Variants in KCNIP4 observed in about 807,000 individuals in gnomAD.
The protein encoded by KCNIP4 is Kv channel-interacting protein 4.
KCNIP4 carries 12 observed loss-of-function variants against 34.0 expected under a neutral mutation model. That is an observed-to-expected ratio of 0.35 (90% CI 0.23 to 0.57). The LOEUF (loss-of-function observed/expected upper bound fraction) is 0.57, where lower values mean the gene tolerates loss of function less well. Among genes scored for constraint, KCNIP4 ranks in the 20% least tolerant of loss-of-function variants. The pLI is 0.83. For synonymous variants in KCNIP4, 124 were observed against 102.2 expected (o/e 1.21, Z -1.29); for missense variants, 238 against 311.7 (o/e 0.76, Z 1.78).
intron 1 of KCNIP4, among the ~76,000 whole-genome samples, chr4:21,353,028 A>C (rs1362789196): frequency 6.6e-6 from 1 of 152,158 alleles, no homozygotes; most frequent in Non-Finnish European, 1.5e-5. Flanking sequence ...ACCTCCAGCA[A>C]ACTCCAACAG....
chr4:21,359,881 A>T (rs1419306141), intron 1 of KCNIP4, among the ~76,000 whole-genome samples: 2 of 152,280 alleles, frequency 1.3e-5, no homozygotes, highest in East Asian at 3.9e-4. Context: ...AATTCATATA[A>T]GATGAAGAAA....
intron 1 of KCNIP4, among the ~76,000 whole-genome samples, chr4:21,551,282 T>A (rs1277803773): frequency 6.6e-6 from 1 of 152,126 alleles, no homozygotes; most frequent in Non-Finnish European, 1.5e-5. Context: ...AGGAATACAG[T>A]GATACAAATA....
intron 1 of KCNIP4, chr4:21,849,735 G>C (rs1423781220): frequency 7.2e-5 from 11 of 151,832 alleles, no homozygotes; most frequent in African/African-American, 2.7e-4. Context: ...AATTCTAAGG[G>C]AGTAGATGCT....
chr4:20,832,452 C>T (rs1718538119), intron 3 of KCNIP4, among the ~76,000 whole-genome samples: 1 of 152,094 alleles, frequency 6.6e-6, no homozygotes, highest in Non-Finnish European at 1.5e-5. Flanking sequence ...ACTGTGGTGC[C>T]AAGTTACAGC....
chr4:21,616,509 G>T (rs1265655225), intron 1 of KCNIP4, among the ~76,000 whole-genome samples: 1 of 152,182 alleles, frequency 6.6e-6, no homozygotes, highest in East Asian at 1.9e-4. Flanking sequence ...TCCTGGGGCT[G>T]TCGTAACAAA....
intron 1 of KCNIP4, among the ~76,000 whole-genome samples, chr4:21,006,916 G>A (rs1354055008): frequency 6.6e-6 from 1 of 152,028 alleles, no homozygotes; most frequent in East Asian, 1.9e-4. Context: ...GCTTGGCAAG[G>A]TCTCACAATA....
intron 1 of KCNIP4, among the ~76,000 whole-genome samples, chr4:21,279,362 TA>T (rs1762635613): frequency 6.6e-6 from 1 of 152,100 alleles, no homozygotes; most frequent in Non-Finnish European, 1.5e-5. Context: ...TTTTCTTTTT[TA>T]AAAGTTCATG....
At chr4:21,287,829 G>T (rs1425838400) in intron 1 of KCNIP4, among the ~76,000 whole-genome samples, 1 of 151,658 alleles carries the variant, frequency 6.6e-6, no homozygotes, top group Non-Finnish European at 1.5e-5. Context: ...TTGCACTTTG[G>T]TTATTGAGAA....
At chr4:21,766,056 C>T (rs935766703) in intron 1 of KCNIP4, among the ~76,000 whole-genome samples, 1 of 152,064 alleles carries the variant, frequency 6.6e-6, no homozygotes, top group Non-Finnish European at 1.5e-5. Flanking sequence ...TTTTAAAACA[C>T]CTGATTAACG....
intron 1 of KCNIP4, among the ~76,000 whole-genome samples, chr4:21,473,696 A>G (rs1157293805): frequency 2.6e-5 from 4 of 151,748 alleles, no homozygotes; most frequent in African/African-American, 7.3e-5. Context: ...GTGGGGAGCA[A>G]CACAGAAGAC....
chr4:21,691,687 A>T lies in KCNIP4; in HGVS notation c.61+256884T>A, dbSNP rs1029181745. Among the ~76,000 whole-genome samples, 3 of 127,372 alleles carry T rather than the reference A, an allele frequency of 2.4e-5. No homozygotes were observed. In the East Asian group the frequency reaches 6.4e-4, roughly 27 times the overall value. 83.6% of individuals were successfully genotyped at this position (127,372 alleles called of 152,430 possible). A position where few individuals can be genotyped will look rare whatever the true frequency, so the allele number is the denominator to read the frequency against. On this transcript the variant is annotated intron_variant, in intron 1 of 8. Transcript: ENST00000382152. ...TACCTTTAGCAAGAGGGGCAAACGC[A>T]GCTCTTTTTTTTTTTTTTTTTTTTT...
At chr4:20,961,429 C>T (rs1189295354) in intron 1 of KCNIP4, among the ~76,000 whole-genome samples, 1 of 152,044 alleles carries the variant, frequency 6.6e-6, no homozygotes, top group Admixed American at 6.6e-5. Context: ...GAAATGAATA[C>T]ACTGATCTCT....
chr4:21,692,827 A>ATTTTTTTTTTTTTTTTTTTTTTTTT (rs35231092), intron 1 of KCNIP4, among the ~76,000 whole-genome samples: 2 of 87,250 alleles, frequency 2.3e-5, no homozygotes, highest in African/African-American at 4.5e-5. Context: ...AAATCCTGTC[A>ATTTTTTTTTTTTTTTTTTTTTTTTT]TTTTTTTTTT....
chr4:20,743,755 C>A (rs1401345977), intron 5 of KCNIP4, among the ~76,000 whole-genome samples: 2 of 152,082 alleles, frequency 1.3e-5, no homozygotes, highest in African/African-American at 2.4e-5. Flanking sequence ...GCAACAAAAG[C>A]CAAAATTGAC....
chr4:21,007,102 A>G (rs978457147), intron 1 of KCNIP4, among the ~76,000 whole-genome samples: 1 of 152,214 alleles, frequency 6.6e-6, no homozygotes, highest in East Asian at 1.9e-4. Flanking sequence ...ACACAAATTT[A>G]AAACTTTAAA....
chr4:21,538,652 T>C (rs571437885), intron 1 of KCNIP4, among the ~76,000 whole-genome samples: 2 of 152,126 alleles, frequency 1.3e-5, no homozygotes, highest in East Asian at 3.9e-4. Context: ...TATTGTGATA[T>C]AATAAAATGG....
Position 21,330,649 on chromosome 4 carries a change from C to T in KCNIP4, c.62-447940G>A, listed in dbSNP as rs556045582. On this transcript the variant is annotated intron_variant, in intron 1 of 8. Transcript: ENST00000382152. Reference sequence around the variant, plus strand: ...TTAATTGAAACCCTATAGAGCATTCCGCATGAATGGTTTTCAACAAAAAAG... The same window carrying T: ...TTAATTGAAACCCTATAGAGCATTCTGCATGAATGGTTTTCAACAAAAAAG... Among the ~76,000 whole-genome samples, 100 of 152,018 alleles carry T rather than the reference C, an allele frequency of 6.6e-4. 1 individual carries two copies. Among genetic ancestry groups the T allele is most frequent in the African/African-American group, 2.0e-3 (81 of 41,450 alleles).
intron 1 of KCNIP4, among the ~76,000 whole-genome samples, chr4:21,169,612 C>T (rs7658047): frequency 0.65 from 98,725 of 151,446 alleles, 32,684 homozygotes; most frequent in African/African-American, 0.76. Context: ...TGGAAATTCT[C>T]TATTTGGTTT....
intron 1 of KCNIP4, among the ~76,000 whole-genome samples, chr4:21,686,575 C>A (rs1750818010): frequency 1.3e-5 from 2 of 151,894 alleles, no homozygotes; most frequent in African/African-American, 4.8e-5. Context: ...ATAAATCAAC[C>A]ATAAGATGTA....
Sources: gnomAD v4.1 joint callset for allele counts (sites outside exome capture counted in the v4.1 genomes callset) on GRCh38, gnomAD v4.1.1 for gene constraint, MANE v1.5 for transcripts, NCBI Gene and HGNC (gene_info 2026-07-23, HGNC 2026-07-21) for gene names.